Variants in RGS7BP observed in about 807,000 individuals in gnomAD.
RGS7BP encodes the protein regulator of G protein signaling 7 binding protein.
In RGS7BP, 9 loss-of-function variants were observed where a neutral mutation model predicts 31.3. The ratio of observed to expected loss-of-function variants is 0.29; its 90% CI spans 0.17 to 0.50. RGS7BP has a LOEUF of 0.50. Ranked by LOEUF, RGS7BP falls within the 20% of genes least tolerant of loss-of-function variation. RGS7BP has a pLI of 0.98. For missense variants in RGS7BP, 274 were observed against 322.0 expected, an observed-to-expected ratio of 0.85 and a Z score of 1.14; for synonymous variants, 115 against 120.1, an observed-to-expected ratio of 0.96 and a Z score of 0.28.
At chr5:64,542,122 T>C (rs1383648911) in intron 2 of RGS7BP, among the ~76,000 whole-genome samples, 1 of 152,236 alleles carries the variant, frequency 6.6e-6, no homozygotes, top group East Asian at 1.9e-4. Flanking sequence ...ATTCCTTATA[T>C]ATACTTCGTG....
chr5:64,560,660 A>G (rs1428039645), intron 2 of RGS7BP, among the ~76,000 whole-genome samples: 2 of 152,086 alleles, frequency 1.3e-5, no homozygotes, highest in Non-Finnish European at 2.9e-5. Context: ...CACTTGTCTC[A>G]GCATAATATT....
rs1743448374 is a variant in RGS7BP, at chr5:64,609,429, C to CACTT, written c.*177_*178insACTT. 1 of 534,456 alleles carries CACTT rather than the reference C, an allele frequency of 1.9e-6. No homozygotes were observed. The highest frequency in any genetic ancestry group is 1.9e-5 in the African/African-American group (1 of 52,712). The allele number at this position is 534,456 out of a possible 1,614,324, so 33.1% of individuals were successfully genotyped here. A position where few individuals can be genotyped will look rare whatever the true frequency, so the allele number is the denominator to read the frequency against. On this transcript the variant is annotated 3_prime_UTR_variant, in exon 6 of 6. Coordinates refer to ENST00000334025, the MANE Select transcript of RGS7BP (RefSeq NM_001029875.3). ...TGATTTTACACTTGAAAGCAGCTGC[C>CACTT]GTCAAGAAAAAAAAGAACAGATTCA...
chr5:64,604,058 G>C (rs866253966), intron 5 of RGS7BP, among the ~76,000 whole-genome samples: 1 of 152,188 alleles, frequency 6.6e-6, no homozygotes, highest in Non-Finnish European at 1.5e-5. Context: ...TACAGGCATC[G>C]TTAGGGAATT....
At position 64,556,039 on chromosome 5, in the gene RGS7BP, T is replaced by C. The variant is rs1741915134; in HGVS notation, c.333-19735T>C. Reference sequence around the variant, plus strand: ...AGAATAGGTGTAGAAGTAGAGTTGATGGGTTGTTGATATGTACAGCTTCCA... The same window carrying C: ...AGAATAGGTGTAGAAGTAGAGTTGACGGGTTGTTGATATGTACAGCTTCCA... On this transcript the variant is annotated intron_variant, in intron 2 of 5. Transcript: ENST00000334025. Among the ~76,000 whole-genome samples the C allele has an allele frequency of 2.0e-5, 3 of 152,046 alleles. No homozygotes were observed. The South Asian group carries it at 6.2e-4, about 31-fold the overall frequency.
chr5:64,523,409 A>G (rs561557337), intron 2 of RGS7BP, among the ~76,000 whole-genome samples: 43 of 152,220 alleles, frequency 2.8e-4, no homozygotes, highest in Admixed American at 5.2e-4. Flanking sequence ...CACTATTTTT[A>G]TATGTTGGCC....
At chr5:64,588,360 A>T (rs1742814114) in intron 3 of RGS7BP, among the ~76,000 whole-genome samples, 1 of 152,214 alleles carries the variant, frequency 6.6e-6, no homozygotes, top group Admixed American at 6.5e-5. Context: ...TGTTTCTTCC[A>T]GAGCAAGGCA....
At chr5:64,567,898 T>C (rs761677697) in intron 2 of RGS7BP, among the ~76,000 whole-genome samples, 11 of 152,106 alleles carry the variant, frequency 7.2e-5, no homozygotes, top group Non-Finnish European at 1.6e-4. Context: ...GTATAACACA[T>C]GATAATTGAA....
chr5:64,559,365 T>A (rs1741999100), intron 2 of RGS7BP, among the ~76,000 whole-genome samples: 1 of 152,184 alleles, frequency 6.6e-6, no homozygotes, highest in Non-Finnish European at 1.5e-5. Context: ...CTGACACTAC[T>A]CTTTTGGTTT....
chr5:64,586,022 A>G (rs1009139541), intron 3 of RGS7BP, among the ~76,000 whole-genome samples: 2 of 152,184 alleles, frequency 1.3e-5, no homozygotes, highest in Admixed American at 1.3e-4. Context: ...ATGATTTTAA[A>G]TGTACAACAA....
At chr5:64,563,419 C>A (rs1158588136) in intron 2 of RGS7BP, among the ~76,000 whole-genome samples, 1 of 152,080 alleles carries the variant, frequency 6.6e-6, no homozygotes, top group Non-Finnish European at 1.5e-5. Context: ...AAGATGAAAT[C>A]TTACTGGAGT....
At chr5:64,553,150 A>ACTTC (rs1349476743) in intron 2 of RGS7BP, among the ~76,000 whole-genome samples, 1 of 146,580 alleles carries the variant, frequency 6.8e-6, no homozygotes, top group East Asian at 2.0e-4. Context: ...AATCTGTAGG[A>ACTTC]CTTCCTTCCT....
At chr5:64,580,048 C>T (rs1742547721) in intron 3 of RGS7BP, among the ~76,000 whole-genome samples, 1 of 152,120 alleles carries the variant, frequency 6.6e-6, no homozygotes, top group African/African-American at 2.4e-5. Context: ...GTATATGACT[C>T]TTTGGGAGGC....
chr5:64,541,878 T>A (rs1364337462), intron 2 of RGS7BP, among the ~76,000 whole-genome samples: 3 of 152,216 alleles, frequency 2.0e-5, no homozygotes, highest in Non-Finnish European at 4.4e-5. Context: ...TTGATTTTTT[T>A]AAATTAATTA....
chr5:64,579,410 G>A (rs534979926), intron 3 of RGS7BP, among the ~76,000 whole-genome samples: 89 of 151,784 alleles, frequency 5.9e-4, no homozygotes, highest in African/African-American at 2.1e-3. Context: ...TGGGTGTGGT[G>A]GCATGTGCCT....
intron 2 of RGS7BP, among the ~76,000 whole-genome samples, chr5:64,562,221 T>A (rs1382393041): frequency 6.6e-6 from 1 of 152,084 alleles, no homozygotes; most frequent in African/African-American, 2.4e-5. Flanking sequence ...AATTTCATCC[T>A]TTTTTGAATA....
chr5:64,526,883 T>C (rs1749243045), intron 2 of RGS7BP, among the ~76,000 whole-genome samples: 1 of 152,152 alleles, frequency 6.6e-6, no homozygotes, highest in Non-Finnish European at 1.5e-5. Context: ...AAGCCTGAGA[T>C]ACTCAAGCTG....
chr5:64,543,341 T>A lies in RGS7BP; in HGVS notation c.333-32433T>A, dbSNP rs540704343. Among the ~76,000 whole-genome samples, 37 of 152,352 alleles carry A rather than the reference T, an allele frequency of 2.4e-4. No homozygotes were observed. In the South Asian group the frequency reaches 7.5e-3, roughly 31 times the overall value. ...GCAAGTGACAGAAACTAATGCTGAA[T>A]CGGCTTAGGCCAAAAAGAGAATTAA... is the stretch of plus-strand genomic sequence containing the variant. On this transcript the variant is annotated intron_variant, in intron 2 of 5. Transcript: ENST00000334025.
At chr5:64,523,827 A>G (rs1338092440) in intron 2 of RGS7BP, among the ~76,000 whole-genome samples, 1 of 152,260 alleles carries the variant, frequency 6.6e-6, no homozygotes, top group Non-Finnish European at 1.5e-5. Flanking sequence ...TCTGAAGTCA[A>G]ATTGCTTGAA....
At chr5:64,558,439 C>G (rs1276881159) in intron 2 of RGS7BP, among the ~76,000 whole-genome samples, 1 of 152,088 alleles carries the variant, frequency 6.6e-6, no homozygotes, top group Non-Finnish European at 1.5e-5. Context: ...TATCATTTCC[C>G]CAATCAATAC....
Sources: allele counts gnomAD v4.1 joint callset (sites outside exome capture counted in the v4.1 genomes callset), GRCh38; gene constraint gnomAD v4.1.1; transcripts MANE v1.5; gene names NCBI Gene and HGNC (gene_info 2026-07-23, HGNC 2026-07-21).